Variants in CCDC102B observed in about 807,000 individuals in gnomAD.
CCDC102B encodes coiled-coil domain-containing protein 102B.
In CCDC102B, 75 loss-of-function variants were observed where a neutral mutation model predicts 57.4. The observed-to-expected ratio is 1.31, with a 90% confidence interval of 1.08 to 1.58. The LOEUF (loss-of-function observed/expected upper bound fraction) is 1.58. CCDC102B is among the 40% of genes most tolerant of loss of function. CCDC102B has a pLI of 0.00. For synonymous variants in CCDC102B, 206 were observed against 201.9 expected, an observed-to-expected ratio of 1.02 and a Z score of -0.17; for missense variants, 636 against 582.6, an observed-to-expected ratio of 1.09 and a Z score of -0.94.
At position 68,784,570 on chromosome 18, in the gene CCDC102B, C is replaced by A. The variant is rs893484953; in HGVS notation, c.-66-38796C>A. On this transcript the variant is annotated intron_variant, in intron 2 of 3. Transcript: ENST00000578970. ...AATTAAATGTAATACTTTAGAAATT[C>A]ATACCTTATAATAAATGCAATATTG... Among the ~76,000 whole-genome samples the A allele has an allele frequency of 3.3e-5, 5 of 152,220 alleles. No individual in the cohort carries two copies. In the East Asian group the frequency reaches 9.7e-4, roughly 29 times the overall value.
At chr18:68,752,147 C>A (rs564013526) in intron 2 of CCDC102B, among the ~76,000 whole-genome samples, 6 of 152,052 alleles carry the variant, frequency 3.9e-5, no homozygotes, top group Non-Finnish European at 8.8e-5. Flanking sequence ...GTAATCCCAG[C>A]TACTCAAGAG....
At chr18:68,822,515 T>C (rs1042860603) in intron 1 of CCDC102B, among the ~76,000 whole-genome samples, 10 of 152,188 alleles carry the variant, frequency 6.6e-5, no homozygotes, top group Non-Finnish European at 1.5e-4. Context: ...ACTATTATTA[T>C]TTTTGTTTTT....
intron 3 of CCDC102B, among the ~76,000 whole-genome samples, chr18:68,842,677 A>T (rs112614810): frequency 0.016 from 2,499 of 152,206 alleles, 58 homozygotes; most frequent in African/African-American, 0.05. Context: ...TCTGGTGCTT[A>T]GTGACACCAC....
chr18:68,866,667 C>T (rs2038995672), intron 4 of CCDC102B: 3 of 386,870 alleles, frequency 7.8e-6, no homozygotes, highest in African/African-American at 2.1e-5. Flanking sequence ...TTCAAACCGC[C>T]CTTTATCTTG....
At chr18:68,929,203 T>C (rs2041582187) in intron 6 of CCDC102B, among the ~76,000 whole-genome samples, 1 of 151,884 alleles carries the variant, frequency 6.6e-6, no homozygotes, top group South Asian at 2.1e-4. Flanking sequence ...GAACAGAAAA[T>C]GTAGCCTAAC....
At chr18:68,773,766 A>T (rs1050185273) in intron 2 of CCDC102B, among the ~76,000 whole-genome samples, 9 of 152,024 alleles carry the variant, frequency 5.9e-5, no homozygotes, top group African/African-American at 1.9e-4. Flanking sequence ...TGAAATATAA[A>T]CATGTTGACT....
At chr18:68,951,794 T>G (rs2049705820) in intron 6 of CCDC102B, among the ~76,000 whole-genome samples, 1 of 148,774 alleles carries the variant, frequency 6.7e-6, no homozygotes, top group African/African-American at 2.5e-5. Context: ...GGCAACAGAG[T>G]GAGACCCTGT....
chr18:68,799,558 T>C (rs1384430340), intron 1 of CCDC102B, among the ~76,000 whole-genome samples: 1 of 152,168 alleles, frequency 6.6e-6, no homozygotes, highest in Non-Finnish European at 1.5e-5. Context: ...ATGCTGATAT[T>C]ACAAGACCAA....
chr18:69,025,530 G>A (rs1179098922), intron 7 of CCDC102B, among the ~76,000 whole-genome samples: 2 of 152,132 alleles, frequency 1.3e-5, no homozygotes, highest in African/African-American at 4.8e-5. Context: ...ATCTCCTAGA[G>A]ATATAAAATT....
At position 68,941,246 on chromosome 18, in the gene CCDC102B, C is replaced by T. The variant is rs1252205342; in HGVS notation, c.1263+43818C>T. On this transcript the variant is annotated intron_variant, in intron 6 of 7. Coordinates refer to ENST00000360242, the MANE Select transcript of CCDC102B (RefSeq NM_024781.3). ...GGAAAATGAAAAAAGAAATTTATAA[C>T]TATGGTGAGCACAAAAATAAAAAAA... Among the ~76,000 whole-genome samples the T allele has an allele frequency of 3.2e-5, 4 of 125,904 alleles. No individual in the cohort carries two copies. In the Admixed American group the frequency reaches 3.5e-4, roughly 11 times the overall value. 82.6% of individuals were successfully genotyped at this position (125,904 alleles called of 152,430 possible).
At chr18:69,017,124 G>C (rs1445571183) in intron 7 of CCDC102B, among the ~76,000 whole-genome samples, 1 of 151,772 alleles carries the variant, frequency 6.6e-6, no homozygotes, top group Non-Finnish European at 1.5e-5. Context: ...TTACTTATTT[G>C]TTTATTTTTG....
intron 6 of CCDC102B, 43 bp downstream of exon 6, chr18:68,897,471 C>T (rs1488902074): frequency 6.3e-7 from 1 of 1,591,776 alleles, no homozygotes; most frequent in Admixed American, 1.7e-5. Context: ...TCTAATCTCA[C>T]TCTGATGCCT....
chr18:68,896,666 A>T (rs2040252241), intron 5 of CCDC102B, among the ~76,000 whole-genome samples: 1 of 151,898 alleles, frequency 6.6e-6, no homozygotes, highest in Non-Finnish European at 1.5e-5. Flanking sequence ...TTAATGTAAA[A>T]TTTTAAAATA....
chr18:68,781,446 G>A (rs1026000087), intron 2 of CCDC102B, among the ~76,000 whole-genome samples: 2 of 152,038 alleles, frequency 1.3e-5, no homozygotes, highest in South Asian at 4.2e-4. Flanking sequence ...AGAGTCTGGG[G>A]ATTCCATGGA....
intron 3 of CCDC102B, among the ~76,000 whole-genome samples, chr18:68,841,443 A>C (rs2037625792): frequency 6.6e-6 from 1 of 152,216 alleles, no homozygotes; most frequent in Non-Finnish European, 1.5e-5. Context: ...GAATTTATAT[A>C]TTTCTGTTGA....
At chr18:68,730,769 A>G (rs1183432607) in intron 2 of CCDC102B, among the ~76,000 whole-genome samples, 1 of 152,216 alleles carries the variant, frequency 6.6e-6, no homozygotes, top group Non-Finnish European at 1.5e-5. Context: ...TTAAGAAGTC[A>G]ATCCCTTGAG....
At chr18:68,932,437 T>G (rs2041707567) in intron 6 of CCDC102B, among the ~76,000 whole-genome samples, 1 of 152,000 alleles carries the variant, frequency 6.6e-6, no homozygotes, top group South Asian at 2.1e-4. Context: ...ATGGCAAAAT[T>G]TTCTAGACCA....
intron 2 of CCDC102B, among the ~76,000 whole-genome samples, chr18:68,775,808 C>T (rs1016515038): frequency 1.3e-5 from 2 of 151,968 alleles, no homozygotes; most frequent in Middle Eastern, 3.2e-3. Context: ...CGCCCGCCAC[C>T]ACGCCCAGCT....
At chr18:69,040,057 G>T (rs1483206203) in intron 7 of CCDC102B, among the ~76,000 whole-genome samples, 6 of 151,682 alleles carry the variant, frequency 4.0e-5, no homozygotes, top group Non-Finnish European at 4.4e-5. Flanking sequence ...CTTTTATGAG[G>T]CAGGGGAAAG....
Sources: gnomAD v4.1 joint callset for allele counts (sites outside exome capture counted in the v4.1 genomes callset) on GRCh38, gnomAD v4.1.1 for gene constraint, MANE v1.5 for transcripts, NCBI Gene and HGNC (gene_info 2026-07-23, HGNC 2026-07-21) for gene names.